Variants in MILR1 observed in about 807,000 individuals in gnomAD.
MILR1 encodes the protein mast cell immunoglobulin like receptor 1, also known as allergin-1.
In MILR1, 31 loss-of-function variants were observed where a neutral mutation model predicts 18.5. The observed-to-expected ratio is 1.68, with a 90% CI of 1.26 to 2.26. MILR1 has a LOEUF of 2.26. Ranked by LOEUF, MILR1 falls within the 30% of genes most tolerant of loss-of-function variation. MILR1 has a pLI of 0.00. For missense variants in MILR1, 257 were observed against 157.4 expected, an observed-to-expected ratio of 1.63 and a Z score of -3.38; for synonymous variants, 85 against 56.2, an observed-to-expected ratio of 1.51 and a Z score of -2.30.
chr17:64,459,284 A>G (rs948106465), intron 4 of MILR1, among the ~76,000 whole-genome samples: 4 of 152,068 alleles, frequency 2.6e-5, no homozygotes, highest in African/African-American at 9.7e-5. Context: ...AAATAAAAAA[A>G]TTAGCCGGGT....
the MILR1 span, among the ~76,000 whole-genome samples, chr17:64,479,170 T>C: frequency 6.7e-6 from 1 of 150,314 alleles, no homozygotes; most frequent in Admixed American, 6.7e-5. Context: ...TCTTTGGACA[T>C]CATCTGAAAG....
intron 2 of MILR1, 45 bp downstream of exon 2, chr17:64,449,400 A>G: frequency 2.3e-6 from 1 of 436,090 alleles, no homozygotes; most frequent in East Asian, 3.2e-5. Flanking sequence ...TTTTCACTGA[A>G]GTGGTGAGAC....
intron 2 of MILR1, among the ~76,000 whole-genome samples, chr17:64,452,218 G>A (rs958172499): frequency 4.0e-5 from 6 of 151,510 alleles, no homozygotes; most frequent in South Asian, 2.1e-4. Context: ...GATTATAGGC[G>A]TCAACCACCA....
At chr17:64,481,450 G>T in the MILR1 span, 8 of 982,988 alleles carry the variant, frequency 8.1e-6, no homozygotes, top group Non-Finnish European at 9.7e-6. Flanking sequence ...GGAGTCTCTG[G>T]AACGAAATGA....
At chr17:64,479,183 G>GTT in the MILR1 span, among the ~76,000 whole-genome samples, 162 of 126,906 alleles carry the variant, frequency 1.3e-3, 1 homozygote, top group African/African-American at 3.5e-3. Flanking sequence ...TCTGAAAGGT[G>GTT]TTTTTTTTTT....
chr17:64,458,307 G>T (rs2037348292), intron 4 of MILR1, among the ~76,000 whole-genome samples: 1 of 151,696 alleles, frequency 6.6e-6, no homozygotes, highest in Admixed American at 6.6e-5. Context: ...TTGCCTCCCA[G>T]GTTCTAGAGA....
chr17:64,482,136 C>G, the MILR1 span, among the ~76,000 whole-genome samples: 1 of 119,756 alleles, frequency 8.4e-6, no homozygotes, highest in Non-Finnish European at 1.6e-5. Flanking sequence ...CAGGGTCTTG[C>G]TCTGTCACCC....
intron 8 of MILR1, among the ~76,000 whole-genome samples, chr17:64,466,873 G>A (rs1174507581): frequency 6.6e-6 from 1 of 151,900 alleles, no homozygotes; most frequent in Non-Finnish European, 1.5e-5. Context: ...ATGTGGTGGG[G>A]GAATGTCATA....
chr17:64,497,082 G>A, the MILR1 span: 13 of 1,119,466 alleles, frequency 1.2e-5, no homozygotes, highest in Admixed American at 1.2e-4. Context: ...GGAGGTGAGC[G>A]TGCTTGCGGG....
intron 5 of MILR1, among the ~76,000 whole-genome samples, chr17:64,464,032 C>T (rs1297940594): frequency 6.6e-6 from 1 of 151,636 alleles, no homozygotes; most frequent in Non-Finnish European, 1.5e-5. Flanking sequence ...CTATGTTGGC[C>T]AGGCTGGTCT....
At chr17:64,481,412 C>T in the MILR1 span, 5 of 985,258 alleles carry the variant, frequency 5.1e-6, no homozygotes, top group Non-Finnish European at 6.0e-6. Flanking sequence ...GGGTCTCAAT[C>T]ACCCAGACAG....
At chr17:64,496,921 G>T in the MILR1 span, 1 of 1,611,956 alleles carries the variant, frequency 6.2e-7, no homozygotes. Flanking sequence ...CAGACAACAG[G>T]CACCTGCAGA....
the MILR1 span, among the ~76,000 whole-genome samples, chr17:64,497,194 G>C: frequency 6.6e-6 from 1 of 152,344 alleles, no homozygotes; most frequent in Non-Finnish European, 1.5e-5. Context: ...CTAGCTTGCC[G>C]TTCGCGTCGC....
At chr17:64,496,515 T>TTTC in the MILR1 span, 8 of 1,611,218 alleles carry the variant, frequency 5.0e-6, no homozygotes, top group Non-Finnish European at 6.8e-6. Flanking sequence ...TCGCGTAGAG[T>TTTC]TTCTGCAGAA....
At chr17:64,475,532 C>T in the MILR1 span, among the ~76,000 whole-genome samples, 1 of 151,630 alleles carries the variant, frequency 6.6e-6, no homozygotes, top group Admixed American at 6.6e-5. Flanking sequence ...CCTGTAATCC[C>T]AGCTACTTGG....
At chr17:64,495,649 CATATT>C in the MILR1 span, among the ~76,000 whole-genome samples, 1 of 152,148 alleles carries the variant, frequency 6.6e-6, no homozygotes, top group African/African-American at 2.4e-5. Flanking sequence ...CCTTCTTTTA[CATATT>C]ATCTCTTCTT....
At chr17:64,450,626 C>T (rs9893118) in intron 2 of MILR1, among the ~76,000 whole-genome samples, 7,013 of 151,742 alleles carry the variant, frequency 0.046, 569 homozygotes, top group African/African-American at 0.16. Flanking sequence ...ATTACAGGCA[C>T]GTGCCACCAT....
chr17:64,480,699 T>C, the MILR1 span, among the ~76,000 whole-genome samples: 1 of 152,026 alleles, frequency 6.6e-6, no homozygotes, highest in Non-Finnish European at 1.5e-5. Context: ...CAAAACAGAT[T>C]CTGTCAGAAA....
At chr17:64,496,870 C>T in the MILR1 span, 1 of 1,613,764 alleles carries the variant, frequency 6.2e-7, no homozygotes, top group East Asian at 2.2e-5. Context: ...TCCTTTCCGT[C>T]AACAGCTCCG....
Sources: gnomAD v4.1 joint callset for allele counts (sites outside exome capture counted in the v4.1 genomes callset) on GRCh38, gnomAD v4.1.1 for gene constraint, MANE v1.5 for transcripts, NCBI Gene and HGNC (gene_info 2026-07-23, HGNC 2026-07-21) for gene names.